Variants in PPA2 observed in about 807,000 individuals in gnomAD.
PPA2 encodes inorganic pyrophosphatase 2.
In PPA2, 48 loss-of-function variants were observed where a neutral mutation model predicts 49.5. The ratio of observed to expected loss-of-function variants is 0.97; its 90% CI spans 0.77 to 1.23. The LOEUF (loss-of-function observed/expected upper bound fraction) is 1.23. Among genes scored for constraint, PPA2 ranks in the 50% most tolerant of loss-of-function variants. PPA2 has a pLI of 0.00. For synonymous variants in PPA2, 131 were observed against 139.9 expected, an observed-to-expected ratio of 0.94 and a Z score of 0.45; for missense variants, 429 against 410.1, an observed-to-expected ratio of 1.05 and a Z score of -0.40.
chr4:105,471,691 T>A (rs1385730286), intron 1 of PPA2, among the ~76,000 whole-genome samples: 1 of 152,168 alleles, frequency 6.6e-6, no homozygotes, highest in South Asian at 2.1e-4. Context: ...CCTTACCCCA[T>A]TCGCCCTAGA....
intron 9 of PPA2, among the ~76,000 whole-genome samples, chr4:105,392,372 T>TAA (rs201981938): frequency 6.6e-6 from 1 of 150,690 alleles, no homozygotes; most frequent in African/African-American, 2.4e-5. Context: ...CTACCTGGAT[T>TAA]AAAAAAAAAC....
chr4:105,376,865 C>T (rs1365272247), intron 10 of PPA2, among the ~76,000 whole-genome samples: 1 of 152,108 alleles, frequency 6.6e-6, no homozygotes, highest in African/African-American at 2.4e-5. Context: ...TCATAAAGTT[C>T]GATCATTTTT....
At chr4:105,417,984 C>T (rs1278041084) in intron 7 of PPA2, among the ~76,000 whole-genome samples, 2 of 152,124 alleles carry the variant, frequency 1.3e-5, no homozygotes, top group African/African-American at 4.8e-5. Flanking sequence ...GCCCCATCCA[C>T]GCGGTGCCTC....
intron 8 of PPA2, chr4:105,398,408 A>G (rs192392688): frequency 1.2e-4 from 19 of 152,296 alleles, no homozygotes; most frequent in Admixed American, 9.2e-4. Context: ...AACATGCCTT[A>G]TTTCACTTAT....
intron 2 of PPA2, among the ~76,000 whole-genome samples, chr4:105,454,480 G>A (rs1308282904): frequency 2.0e-5 from 3 of 151,958 alleles, no homozygotes; most frequent in Non-Finnish European, 4.4e-5. Context: ...ACAGGCGCCC[G>A]CTACCAGGCC....
At chr4:105,428,171 G>A (rs189911571) in intron 6 of PPA2, among the ~76,000 whole-genome samples, 61 of 152,192 alleles carry the variant, frequency 4.0e-4, no homozygotes, top group Non-Finnish European at 7.6e-4. Context: ...TCACCACGAC[G>A]CCTGCTTTAC....
chr4:105,465,417 G>T (rs1404024587), intron 1 of PPA2, among the ~76,000 whole-genome samples: 1 of 152,144 alleles, frequency 6.6e-6, no homozygotes, highest in Non-Finnish European at 1.5e-5. Flanking sequence ...TCCTCAGGCT[G>T]CAATATGAAC....
chr4:105,446,409 T>C lies in PPA2; in HGVS notation c.415A>G (p.Ile139Val). 1 of 1,601,334 alleles carries C rather than the reference T, an allele frequency of 6.2e-7. No individual in the cohort carries two copies. The highest frequency in any genetic ancestry group is 8.5e-7 in the Non-Finnish European group (1 of 1,174,744). Reference sequence around the variant, plus strand: ...TGAGGGAGGGTACCATAATTCCATATATAACCCTTGTAAGGGAAGATATTC... The same window carrying C: ...TGAGGGAGGGTACCATAATTCCATACATAACCCTTGTAAGGGAAGATATTC... ...VANIFPYKGYIWNYGTLPQTW... is the reference protein window; with the variant it reads ...VANIFPYKGYVWNYGTLPQTW... The change falls in exon 5 of 12, where the codon ATA (isoleucine) becomes GTA (valine). Residue 139 changes from isoleucine to valine, a missense_variant. By Grantham distance (29) the Ile-to-Val change is conservative. Coordinates refer to ENST00000341695, the MANE Select transcript of PPA2 (RefSeq NM_176869.3).
At chr4:105,378,166 G>A (rs1381227941) in intron 10 of PPA2, among the ~76,000 whole-genome samples, 2 of 152,158 alleles carry the variant, frequency 1.3e-5, no homozygotes, top group Non-Finnish European at 2.9e-5. Context: ...CTAACCAGCA[G>A]TAAATGAGAA....
intron 9 of PPA2, among the ~76,000 whole-genome samples, chr4:105,393,224 T>G (rs1229257061): frequency 6.6e-6 from 1 of 152,070 alleles, no homozygotes; most frequent in Non-Finnish European, 1.5e-5. Flanking sequence ...CCGGGCGCAG[T>G]GGCTCACACC....
At chr4:105,432,190 T>C (rs998605727) in intron 6 of PPA2, among the ~76,000 whole-genome samples, 2 of 152,204 alleles carry the variant, frequency 1.3e-5, no homozygotes, top group African/African-American at 4.8e-5. Context: ...CTCCTATCCC[T>C]TAAGTCCTCT....
intron 7 of PPA2, among the ~76,000 whole-genome samples, chr4:105,408,097 A>T (rs1366268066): frequency 6.6e-6 from 1 of 151,350 alleles, no homozygotes; most frequent in Non-Finnish European, 1.5e-5. Context: ...ACAAACAATT[A>T]TAAATCTGTG....
chr4:105,389,227 G>A (rs1733806739), intron 9 of PPA2, among the ~76,000 whole-genome samples: 1 of 151,820 alleles, frequency 6.6e-6, no homozygotes, highest in South Asian at 2.1e-4. Flanking sequence ...GTTTAACATT[G>A]ATTCATATTT....
intron 9 of PPA2, among the ~76,000 whole-genome samples, chr4:105,391,677 G>A (rs540339491): frequency 3.3e-4 from 50 of 152,160 alleles, no homozygotes; most frequent in Non-Finnish European, 6.5e-4. Context: ...GAAAGACAAG[G>A]GGATAGGAAG....
intron 6 of PPA2, among the ~76,000 whole-genome samples, chr4:105,432,875 A>T (rs1471413201): frequency 6.6e-6 from 1 of 152,220 alleles, no homozygotes; most frequent in Non-Finnish European, 1.5e-5. Context: ...GATACCTGGG[A>T]TTCAATCCCA....
intron 9 of PPA2, among the ~76,000 whole-genome samples, chr4:105,395,231 T>G (rs1171335309): frequency 1.3e-5 from 2 of 152,146 alleles, no homozygotes; most frequent in Non-Finnish European, 2.9e-5. Flanking sequence ...CTTGATAACT[T>G]AGGTAAAATA....
chr4:105,403,351 C>G (rs1722312526), intron 7 of PPA2, among the ~76,000 whole-genome samples: 1 of 151,920 alleles, frequency 6.6e-6, no homozygotes, highest in Non-Finnish European at 1.5e-5. Flanking sequence ...AGCCTATCAC[C>G]CCAGATTTTT....
chr4:105,411,193 T>C (rs1344899903), intron 7 of PPA2, among the ~76,000 whole-genome samples: 1 of 152,084 alleles, frequency 6.6e-6, no homozygotes, highest in Admixed American at 6.6e-5. Context: ...AGACACACTT[T>C]GCTCAAAATA....
intron 8 of PPA2, 89 bp downstream of exon 8, chr4:105,398,948 T>A: frequency 7.1e-7 from 1 of 1,407,774 alleles, no homozygotes; most frequent in Non-Finnish European, 9.7e-7. Flanking sequence ...ATGCTATATA[T>A]ACATATTCAC....
Sources: allele counts gnomAD v4.1 joint callset (sites outside exome capture counted in the v4.1 genomes callset), GRCh38; gene constraint gnomAD v4.1.1; transcripts MANE v1.5; gene names NCBI Gene and HGNC (gene_info 2026-07-23, HGNC 2026-07-21).